OCA2: variants seen among roughly 807,000 people sequenced by gnomAD.
OCA2 encodes the protein P protein.
Under a neutral mutation model 100.2 loss-of-function variants are expected in OCA2, and 77 were observed. The observed-to-expected ratio is 0.77, with a 90% CI of 0.64 to 0.93. OCA2 has a LOEUF of 0.93. Among genes scored for constraint, OCA2 ranks in the 40% least tolerant of loss-of-function variants. OCA2 has a pLI of 0.00. For missense variants in OCA2, 1,062 were observed against 1,089.1 expected (o/e 0.98, Z 0.35); for synonymous variants, 432 against 439.2 (o/e 0.98, Z 0.21).
rs16950407 is a variant in OCA2 at position 27,773,884 on chromosome 15, T to G, written c.2433-18412A>C. On this transcript the variant is annotated intron_variant, in intron 23 of 23. Coordinates refer to ENST00000354638, the MANE Select transcript of OCA2 (RefSeq NM_000275.3). ...TTTGTTTCTATTTGTGCGTATACAA[T>G]TCCTGAATTCTTGTAGAAATGATAT... Among the ~76,000 whole-genome samples the G allele has an allele frequency of 9.8e-3, 1,492 of 152,360 alleles. 20 individuals are homozygous for G. The highest frequency in any genetic ancestry group is 0.034 in the African/African-American group (1,410 of 41,580).
intron 3 of OCA2, 144 bp from the exon 4 acceptor site, chr15:28,028,203 C>T (rs1009895255): frequency 1.0e-6 from 1 of 959,444 alleles, no homozygotes; most frequent in Non-Finnish European, 1.6e-6. Flanking sequence ...CACTCTCATA[C>T]TGGTGGGAAT....
At chr15:28,095,934 C>G (rs2044969776) in intron 1 of OCA2, among the ~76,000 whole-genome samples, 1 of 152,178 alleles carries the variant, frequency 6.6e-6, no homozygotes, top group African/African-American at 2.4e-5. Context: ...CTGCTTGGCC[C>G]CAAATCGTCC....
chr15:28,017,218 C>T (rs1333297320), intron 7 of OCA2, among the ~76,000 whole-genome samples: 5 of 152,138 alleles, frequency 3.3e-5, no homozygotes, highest in Admixed American at 3.3e-4. Context: ...TTGCAAAGAG[C>T]GTATCTGGGG....
At chr15:28,057,805 CA>C (rs1207152994) in intron 2 of OCA2, among the ~76,000 whole-genome samples, 3 of 142,572 alleles carry the variant, frequency 2.1e-5, no homozygotes, top group Non-Finnish European at 4.5e-5. Flanking sequence ...AACGTCATCA[CA>C]AAGACGGGTG....
intron 19 of OCA2, among the ~76,000 whole-genome samples, chr15:27,894,163 C>T (rs728971): frequency 0.094 from 14,296 of 152,158 alleles, 1,524 homozygotes; most frequent in South Asian, 0.28. Context: ...AAAGAACCTA[C>T]GTTGAAATAT....
At chr15:27,786,867 G>A (rs546524167) in intron 23 of OCA2, among the ~76,000 whole-genome samples, 16 of 152,072 alleles carry the variant, frequency 1.1e-4, no homozygotes, top group African/African-American at 3.4e-4. Context: ...GTTTCAATCC[G>A]AGGGAAAACA....
chr15:28,048,961 C>T (rs2043425306), intron 2 of OCA2, among the ~76,000 whole-genome samples: 1 of 152,084 alleles, frequency 6.6e-6, no homozygotes, highest in Admixed American at 6.6e-5. Context: ...ATAATGACAC[C>T]ACTGCACTCC....
intron 19 of OCA2, among the ~76,000 whole-genome samples, chr15:27,925,391 C>T (rs554527852): frequency 4.6e-5 from 7 of 152,206 alleles, no homozygotes; most frequent in African/African-American, 1.7e-4. Flanking sequence ...CCTGTGACCA[C>T]AACTGAATTA....
At chr15:28,087,667 A>C (rs550955069) in intron 1 of OCA2, among the ~76,000 whole-genome samples, 35 of 152,210 alleles carry the variant, frequency 2.3e-4, no homozygotes, top group Non-Finnish European at 3.8e-4. Flanking sequence ...GAATCACCTG[A>C]GCCAGGAAAG....
intron 23 of OCA2, among the ~76,000 whole-genome samples, chr15:27,763,069 C>G (rs1273828390): frequency 6.6e-6 from 1 of 152,132 alleles, no homozygotes; most frequent in East Asian, 1.9e-4. Flanking sequence ...AATTGGGTAT[C>G]TAAATGTCAG....
At chr15:27,826,546 T>G (rs935184958) in intron 23 of OCA2, among the ~76,000 whole-genome samples, 1 of 152,218 alleles carries the variant, frequency 6.6e-6, no homozygotes, top group African/African-American at 2.4e-5. Context: ...CCTGCACTGC[T>G]GACCTATCCT....
chr15:28,090,413 T>C (rs2044851343), intron 1 of OCA2, among the ~76,000 whole-genome samples: 2 of 152,132 alleles, frequency 1.3e-5, no homozygotes, highest in South Asian at 4.1e-4. Context: ...ACAAAGTGCC[T>C]ACAGAACATA....
the OCA2 span, among the ~76,000 whole-genome samples, chr15:27,723,438 A>T: frequency 6.6e-6 from 1 of 152,090 alleles, no homozygotes; most frequent in Admixed American, 6.5e-5. Flanking sequence ...TGCCCCACAA[A>T]CCACATCCTC....
intron 19 of OCA2, among the ~76,000 whole-genome samples, chr15:27,913,865 A>AAG (rs376371791): frequency 3.5e-4 from 18 of 51,212 alleles, no homozygotes; most frequent in African/African-American, 1.6e-3. Context: ...GAAAGAAAGA[A>AAG]AGAAAGAAAG....
At chr15:27,824,628 A>C (rs1292335797) in intron 23 of OCA2, among the ~76,000 whole-genome samples, 1 of 109,936 alleles carries the variant, frequency 9.1e-6, no homozygotes, top group Non-Finnish European at 1.8e-5. Flanking sequence ...ATATAATATA[A>C]TATATATATG....
At chr15:27,934,727 G>C (rs555628759) in intron 18 of OCA2, among the ~76,000 whole-genome samples, 1 of 152,144 alleles carries the variant, frequency 6.6e-6, no homozygotes, top group African/African-American at 2.4e-5. Context: ...GTGGAGGCCT[G>C]AGCTTTCCTC....
intron 9 of OCA2, among the ~76,000 whole-genome samples, chr15:27,996,204 C>T (rs933683546): frequency 1.3e-5 from 2 of 152,002 alleles, no homozygotes; most frequent in African/African-American, 2.4e-5. Flanking sequence ...ACACAACATA[C>T]CAAAATTTAT....
chr15:27,893,992 C>T (rs1268323738), intron 19 of OCA2, among the ~76,000 whole-genome samples: 1 of 152,036 alleles, frequency 6.6e-6, no homozygotes, highest in East Asian at 1.9e-4. Flanking sequence ...TTCTTACACC[C>T]CCTCCCCTTT....
chr15:28,002,864 G>T (rs1050128513), intron 9 of OCA2, among the ~76,000 whole-genome samples: 12 of 152,176 alleles, frequency 7.9e-5, no homozygotes, highest in African/African-American at 2.7e-4. Context: ...CAAGGAGAAG[G>T]TATACACTCC....
Sources: allele counts gnomAD v4.1 joint callset (sites outside exome capture counted in the v4.1 genomes callset), GRCh38; gene constraint gnomAD v4.1.1; transcripts MANE v1.5; gene names NCBI Gene and HGNC (gene_info 2026-07-23, HGNC 2026-07-21).